The following ABLIM2 variants were observed in gnomAD, a reference collection of about 807,000 sequenced individuals.
ABLIM2 encodes the protein actin binding LIM protein family member 2, also known as actin-binding LIM protein 2.
ABLIM2 carries 53 observed loss-of-function variants against 97.7 expected under a neutral mutation model. The observed-to-expected ratio is 0.54, with a 90% CI of 0.44 to 0.68. ABLIM2 has a LOEUF of 0.68. Among genes scored for constraint, ABLIM2 ranks in the 30% least tolerant of loss-of-function variants. ABLIM2 has a pLI of 0.00. For synonymous variants in ABLIM2, 361 were observed against 345.8 expected (o/e 1.04, Z -0.49); for missense variants, 835 against 867.2 (o/e 0.96, Z 0.47).
rs931733398 is a variant in ABLIM2, at chr4:8,067,181, G to A, written c.676-6127C>T. The A allele has an allele frequency of 1.1e-4, 16 of 152,290 alleles. No individual in the cohort carries two copies. The highest frequency in any genetic ancestry group is 2.2e-4 in the Non-Finnish European group (15 of 68,094). The allele number at this position is 152,290 out of a possible 1,614,324, so 9.4% of individuals were successfully genotyped here. A position where few individuals can be genotyped will look rare whatever the true frequency, so the allele number is the denominator to read the frequency against. ...GCTACCTCCTGGGAAGACTCCATGG[G>A]CCATGGGGACAATCGGGGACATTTG... On this transcript the variant is annotated intron_variant, in intron 6 of 20. Coordinates refer to ENST00000447017, the MANE Select transcript of ABLIM2 (RefSeq NM_001130083.2). This position sits in a 1 kb window ranked among gnomAD's most constrained non-coding sequence, Gnocchi z 5.4.
intron 20 of ABLIM2, among the ~76,000 whole-genome samples, chr4:7,968,434 T>C (rs1724791957): frequency 6.6e-6 from 1 of 152,180 alleles, no homozygotes; most frequent in African/African-American, 2.4e-5. Context: ...AAACCAGGTG[T>C]CCATCAATGG....
In ABLIM2 at chr4:7,998,759, T is replaced by C. The variant is rs13108278; in HGVS notation, c.1619-5832A>G. The C allele has an allele frequency of 0.12, 53,531 of 452,528 alleles. 4,081 individuals carry two copies. Among genetic ancestry groups the C allele is most frequent in the African/African-American group, 0.29 (14,210 of 49,384 alleles). 28.0% of individuals were successfully genotyped at this position (452,528 alleles called of 1,614,324 possible). A position where few individuals can be genotyped will look rare whatever the true frequency, so the allele number is the denominator to read the frequency against. On this transcript the variant is annotated intron_variant, in intron 16 of 20. Transcript: ENST00000447017. This position sits in a 1 kb window ranked among gnomAD's most constrained non-coding sequence, Gnocchi z 6.4. ...TCTGCTGGCCTGGGCCACCTCCTGC[T>C]GCTGGGTGGGGGTGGGAGTGGGCAG... is the stretch of plus-strand genomic sequence containing the variant.
In ABLIM2 at chr4:8,001,815, C is replaced by T. The variant is rs934352130; in HGVS notation, c.1618+6244G>A. ...CCTTCCCCACTTCCCTGGCCCACTT[C>T]CTCTCCTGGCTTTCTCCCTCCTGGG... On this transcript the variant is annotated intron_variant, in intron 16 of 20. Transcript: ENST00000447017. This position sits in a 1 kb window ranked among gnomAD's most constrained non-coding sequence, Gnocchi z 4.2. 6.6e-6 allele frequency among the ~76,000 whole-genome samples: 1 copy of T among 152,162 alleles called. No homozygotes were observed. Among genetic ancestry groups the T allele is most frequent in the Non-Finnish European group, 1.5e-5 (1 of 68,026 alleles).
In ABLIM2 at chr4:8,097,255, C is replaced by T. The variant is rs1472964578; in HGVS notation, c.182G>A (p.Gly61Asp). Residue 61 changes from glycine (G) to aspartate (D), a missense_variant, in exon 3 of 21, where the codon GGC becomes GAC. Gly to Asp is a moderately conservative substitution (Grantham distance 94). Coordinates refer to ENST00000447017, the MANE Select transcript of ABLIM2 (RefSeq NM_001130083.2). ...GTACTCGCCCTGCCGCACGAAGAAGCCGCCCTCGGCCAGGTCGCAGCCACA... is the reference window on the plus strand; with the variant it reads ...GTACTCGCCCTGCCGCACGAAGAAGTCGCCCTCGGCCAGGTCGCAGCCACA... ...KACGCDLAEG[G>D]FFVRQGEYIC... 2 of 1,568,052 alleles carry T rather than the reference C, an allele frequency of 1.3e-6. No homozygotes were observed. The highest frequency in any genetic ancestry group is 2.3e-5 in the South Asian group (2 of 85,152).
rs758776758 is a variant in ABLIM2, at chr4:8,077,620, G to A, written c.675+8C>T. ...AGAGCGGGCAGGGGCCCGGCCCGCCGCGCTTACCTCCAGCACGCGCCCCGT... is the reference window on the plus strand; with the variant it reads ...AGAGCGGGCAGGGGCCCGGCCCGCCACGCTTACCTCCAGCACGCGCCCCGT... On this transcript the variant is annotated splice_region_variant and intron_variant, in intron 6 of 20. Coordinates refer to ENST00000447017, the MANE Select transcript of ABLIM2 (RefSeq NM_001130083.2). 22 of 1,602,642 alleles carry A rather than the reference G, an allele frequency of 1.4e-5. No individual in the cohort carries two copies. Among genetic ancestry groups the A allele is most frequent in the East Asian group, 9.0e-5 (4 of 44,424 alleles).
At chr4:8,121,957 A>T (rs1364199155) in intron 1 of ABLIM2, among the ~76,000 whole-genome samples, 1 of 152,136 alleles carries the variant, frequency 6.6e-6, no homozygotes, top group Admixed American at 6.5e-5. Context: ...ACCTGCCCAG[A>T]CCTCAAGCCA....
At position 8,087,813 on chromosome 4, in the gene ABLIM2, G is replaced by A. The variant is rs1351926193; in HGVS notation, c.454+356C>T. On this transcript the variant is annotated intron_variant, in intron 4 of 20. Coordinates refer to ENST00000447017, the MANE Select transcript of ABLIM2 (RefSeq NM_001130083.2). This position sits in a 1 kb window ranked among gnomAD's most constrained non-coding sequence, Gnocchi z 4.6. ...AAGCAGGAGTGGCACATGGGGTGGA[G>A]GAAACAGCCAGTGCAAAGACTTGGC... 3.9e-5 allele frequency among the ~76,000 whole-genome samples: 6 copies of A among 151,994 alleles called. No homozygotes were observed. Among genetic ancestry groups the A allele is most frequent in the Admixed American group, 3.3e-4 (5 of 15,252 alleles).
chr4:8,085,658 G>A lies in ABLIM2; in HGVS notation c.454+2511C>T, dbSNP rs573372101. On this transcript the variant is annotated intron_variant, in intron 4 of 20. Transcript: ENST00000447017. The surrounding 1 kb of genome is among the most constrained non-coding windows in gnomAD (Gnocchi z 6.1). ...CTCACGCAGGTCTGGGGGTGCCCAC[G>A]CTGCAGCCCCGTCCACTCACGTGGG... Among the ~76,000 whole-genome samples, 102 of 150,350 alleles carry A rather than the reference G, an allele frequency of 6.8e-4. No homozygotes were observed. Among genetic ancestry groups the A allele is most frequent in the African/African-American group, 2.4e-3 (98 of 40,590 alleles).
intron 9 of ABLIM2, among the ~76,000 whole-genome samples, chr4:8,040,609 TC>T (rs374962801): frequency 2.3e-4 from 26 of 114,026 alleles, no homozygotes; most frequent in African/African-American, 6.4e-4. Context: ...AGACTCCATT[TC>T]AAAAAAAAAA....
intron 1 of ABLIM2, among the ~76,000 whole-genome samples, chr4:8,111,143 C>G (rs181465767): frequency 1.6e-4 from 25 of 152,320 alleles, no homozygotes; most frequent in Admixed American, 1.6e-3. Flanking sequence ...TGTATCCAGA[C>G]GATGAAATAT....
rs1272117539 is a variant in ABLIM2 at position 8,158,669 on chromosome 4, C to T, written c.10+11G>A. 1 of 1,503,576 alleles carries T rather than the reference C, an allele frequency of 6.7e-7. No homozygotes were observed. Among genetic ancestry groups the T allele is most frequent in the African/African-American group, 1.4e-5 (1 of 69,134 alleles). 93.1% of individuals were successfully genotyped at this position (1,503,576 alleles called of 1,614,324 possible). The stretch of plus-strand genomic sequence containing the variant: ...CGGGGACCCGTTGGTCCCTCGGTCC[C>T]CAGCACCCACCTGCACTCATCTCAG... On this transcript the variant is annotated intron_variant, in intron 1 of 20. Transcript: ENST00000447017.
chr4:8,003,393 T>C lies in ABLIM2; in HGVS notation c.1618+4666A>G, dbSNP rs1367437279. Among the ~76,000 whole-genome samples the C allele has an allele frequency of 6.6e-6, 1 of 152,096 alleles. No homozygotes were observed. Among genetic ancestry groups the C allele is most frequent in the Non-Finnish European group, 1.5e-5 (1 of 68,016 alleles). ...GTGAGAAACAGAATGGGTGTGTGGA[T>C]ACTGGAGGGTGTGTGGGTACTGAGG... is the stretch of plus-strand genomic sequence containing the variant. On this transcript the variant is annotated intron_variant, in intron 16 of 20. Transcript: ENST00000447017. This position sits in a 1 kb window ranked among gnomAD's most constrained non-coding sequence, Gnocchi z 4.2.
chr4:8,049,850 C>T (rs1046508932), intron 8 of ABLIM2, among the ~76,000 whole-genome samples: 5 of 152,322 alleles, frequency 3.3e-5, no homozygotes, highest in Admixed American at 3.3e-4. Context: ...GCCTCAGCCA[C>T]CTGAATAGAT....
At position 8,095,663 on chromosome 4, in the gene ABLIM2, G is replaced by A. The variant is rs1055300937; in HGVS notation, c.338+1436C>T. 6.6e-6 allele frequency among the ~76,000 whole-genome samples: 1 copy of A among 152,188 alleles called. No homozygotes were observed. The highest frequency in any genetic ancestry group is 2.4e-5 in the African/African-American group (1 of 41,452). On this transcript the variant is annotated intron_variant, in intron 3 of 20. Transcript: ENST00000447017. The surrounding 1 kb of genome is among the most constrained non-coding windows in gnomAD (Gnocchi z 4.7). ...CCTCCCGAGGTGCTGGATTACGGGT[G>A]TGAGCCTCCGCGCCCAGCCAGCATG...
intron 13 of ABLIM2, 56 bp downstream of exon 13, chr4:8,020,146 T>A (rs1009735717): frequency 1.8e-4 from 268 of 1,527,764 alleles, no homozygotes; most frequent in Non-Finnish European, 2.4e-4. Context: ...GTGTGGCCAG[T>A]TTCGGTGTGG....
chr4:8,122,187 G>C lies in ABLIM2; in HGVS notation c.11-15550C>G, dbSNP rs1213211252. Among the ~76,000 whole-genome samples, 1 of 152,172 alleles carries C rather than the reference G, an allele frequency of 6.6e-6. No homozygotes were observed. Among genetic ancestry groups the C allele is most frequent in the African/African-American group, 2.4e-5 (1 of 41,432 alleles). ...GATGGGGCCACAGCCTTGACCTGGA[G>C]ACACCACACCAGCCTGGATGGGGAG... On this transcript the variant is annotated intron_variant, in intron 1 of 20. Coordinates refer to ENST00000447017, the MANE Select transcript of ABLIM2 (RefSeq NM_001130083.2). The surrounding 1 kb of genome is among the most constrained non-coding windows in gnomAD (Gnocchi z 4.1).
intron 18 of ABLIM2, 135 bp from the exon 19 acceptor site, chr4:7,983,689 C>A (rs899546384): frequency 2.7e-6 from 3 of 1,097,438 alleles, no homozygotes; most frequent in Non-Finnish European, 2.7e-6. Flanking sequence ...GGTCCCCGAG[C>A]AGCCTGCACT....
At chr4:8,080,639 G>A (rs1453247069) in intron 5 of ABLIM2, 37 bp downstream of exon 5, 2 of 1,555,762 alleles carry the variant, frequency 1.3e-6, no homozygotes, top group East Asian at 4.7e-5. Flanking sequence ...AGGGAAGCCT[G>A]AGCGGAGGCT....
chr4:8,132,015 C>T lies in ABLIM2; in HGVS notation c.11-25378G>A, dbSNP rs1578433713. On this transcript the variant is annotated intron_variant, in intron 1 of 20. Transcript: ENST00000447017. The surrounding 1 kb of genome is among the most constrained non-coding windows in gnomAD (Gnocchi z 8.0). ...ATCCCCTGCACAGCAGCCCGCATCC[C>T]CTGCACGGCAGCCTGCATCCCCGAG... Among the ~76,000 whole-genome samples the T allele has an allele frequency of 6.6e-6, 1 of 151,680 alleles. No individual in the cohort carries two copies. The highest frequency in any genetic ancestry group is 3.4e-3 in the Middle Eastern group (1 of 294).
Sources: gnomAD v4.1 joint callset for allele counts (sites outside exome capture counted in the v4.1 genomes callset) on GRCh38, gnomAD v4.1.1 for gene constraint, Gnocchi (gnomAD v3.1) non-coding constraint, MANE v1.5 for transcripts, NCBI Gene and HGNC (gene_info 2026-07-23, HGNC 2026-07-21) for gene names.